ZNF385D: variants seen among roughly 807,000 people sequenced by gnomAD.
The protein encoded by ZNF385D is zinc finger protein 659.
ZNF385D carries 15 observed loss-of-function variants against 35.8 expected under a neutral mutation model. That is an observed-to-expected ratio of 0.42 (90% confidence interval 0.28 to 0.64). The LOEUF is 0.64. Ranked by LOEUF, ZNF385D falls within the 30% of genes least tolerant of loss-of-function variation. ZNF385D has a pLI of 0.23. For synonymous variants in ZNF385D, 212 were observed against 186.8 expected (o/e 1.13, Z -1.10); for missense variants, 474 against 494.6 (o/e 0.96, Z 0.39).
chr3:21,711,515 A>G (rs1032421887), intron 1 of ZNF385D, among the ~76,000 whole-genome samples: 5 of 152,164 alleles, frequency 3.3e-5, no homozygotes, highest in African/African-American at 1.2e-4. Flanking sequence ...TTAAACGACA[A>G]TTCTGTTAAA....
At chr3:21,938,384 G>C (rs1328717713) in intron 3 of ZNF385D, among the ~76,000 whole-genome samples, 1 of 152,108 alleles carries the variant, frequency 6.6e-6, no homozygotes, top group Non-Finnish European at 1.5e-5. Context: ...TAACTTAATT[G>C]GGCTGCAAGT....
At position 21,940,268 on chromosome 3, in the gene ZNF385D, T is replaced by G. The variant is rs115398591; in HGVS notation, c.325+228549A>C. ...TGTGATGTAGCAAAAAAAGTGTTTA[T>G]GGATTTTAAGGGCAAGCAGAGGTGG... On this transcript the variant is annotated intron_variant, in intron 3 of 5. Coordinates refer to the ZNF385D transcript ENST00000494108. 1.1e-3 allele frequency among the ~76,000 whole-genome samples: 167 copies of G among 152,264 alleles called. 1 individual carries two copies. The highest frequency in any genetic ancestry group is 3.8e-3 in the African/African-American group (158 of 41,556).
intron 4 of ZNF385D, among the ~76,000 whole-genome samples, chr3:21,497,434 T>C (rs754769748): frequency 6.6e-6 from 1 of 152,170 alleles, no homozygotes; most frequent in Non-Finnish European, 1.5e-5. Context: ...TGCTCATGGA[T>C]AGAAAGAATT....
At chr3:21,535,884 G>A (rs1461654610) in intron 3 of ZNF385D, among the ~76,000 whole-genome samples, 1 of 151,964 alleles carries the variant, frequency 6.6e-6, no homozygotes, top group African/African-American at 2.4e-5. Context: ...TAGTCACCCT[G>A]AGTTTTCTTA....
At chr3:22,110,643 TG>T (rs1576337848) in intron 3 of ZNF385D, among the ~76,000 whole-genome samples, 1 of 142,000 alleles carries the variant, frequency 7.0e-6, no homozygotes, top group East Asian at 2.1e-4. Context: ...TGTTGTGGGG[TG>T]GGGGGAGTGG....
At chr3:22,115,680 G>T (rs538730167) in intron 3 of ZNF385D, among the ~76,000 whole-genome samples, 4 of 152,150 alleles carry the variant, frequency 2.6e-5, no homozygotes, top group African/African-American at 7.2e-5. Flanking sequence ...AAGTTTAGTA[G>T]CTTGGTTAGC....
intron 2 of ZNF385D, among the ~76,000 whole-genome samples, chr3:22,334,840 A>G (rs957213624): frequency 4.6e-5 from 7 of 151,676 alleles, no homozygotes; most frequent in East Asian, 3.9e-4. Context: ...CTGTAGATCA[A>G]TGTATCAGAA....
chr3:22,217,684 T>C lies in ZNF385D; in HGVS notation c.107-48649A>G, dbSNP rs146486755. ...ACATTCTAAGGTACATTACATGTTA[T>C]GGCAAATATAGAGAGCATATTTTGG... On this transcript the variant is annotated intron_variant, in intron 2 of 5. Transcript: ENST00000494108. Among the ~76,000 whole-genome samples, 240 of 152,280 alleles carry C rather than the reference T, an allele frequency of 1.6e-3. 3 individuals are homozygous for C. Among genetic ancestry groups the C allele is most frequent in the East Asian group, 7.0e-3 (36 of 5,174 alleles).
At chr3:21,492,632 A>G (rs1174093120) in intron 4 of ZNF385D, among the ~76,000 whole-genome samples, 1 of 151,776 alleles carries the variant, frequency 6.6e-6, no homozygotes, top group Non-Finnish European at 1.5e-5. Flanking sequence ...AAAACTACAA[A>G]AATTCGCCAG....
intron 2 of ZNF385D, among the ~76,000 whole-genome samples, chr3:22,217,189 T>A (rs573185887): frequency 3.3e-5 from 5 of 152,106 alleles, no homozygotes; most frequent in African/African-American, 1.2e-4. Context: ...TTCCCACAAA[T>A]TGGAATACAA....
chr3:21,871,139 A>G lies in ZNF385D; in HGVS notation c.326-206111T>C, dbSNP rs77947287. Among the ~76,000 whole-genome samples, 207 of 152,256 alleles carry G rather than the reference A, an allele frequency of 1.4e-3. 5 individuals are homozygous for G. The East Asian group carries it at 0.037, about 28-fold the overall frequency. On this transcript the variant is annotated intron_variant, in intron 3 of 5. Coordinates refer to the ZNF385D transcript ENST00000494108. Reference sequence around the variant, plus strand: ...CTCTTGCTTGCTTTATTCTGGCAGTATCGGGTCATCTCTAGTCTTTGAGTC... The same window carrying G: ...CTCTTGCTTGCTTTATTCTGGCAGTGTCGGGTCATCTCTAGTCTTTGAGTC...
chr3:21,641,632 C>CTTT (rs144071100), intron 2 of ZNF385D, among the ~76,000 whole-genome samples: 12 of 104,724 alleles, frequency 1.1e-4, no homozygotes, highest in Non-Finnish European at 1.3e-4. Flanking sequence ...AACAAGTCAG[C>CTTT]TTTTTTTTTT....
intron 4 of ZNF385D, among the ~76,000 whole-genome samples, chr3:21,462,913 CAG>C (rs1437419090): frequency 1.3e-5 from 2 of 152,156 alleles, no homozygotes; most frequent in Non-Finnish European, 2.9e-5. Context: ...ACCAGGGAGA[CAG>C]AGGTTGTGGT....
chr3:21,844,745 G>C (rs919170135), intron 3 of ZNF385D, among the ~76,000 whole-genome samples: 1 of 151,910 alleles, frequency 6.6e-6, no homozygotes, highest in African/African-American at 2.4e-5. Context: ...TCACTAAATT[G>C]TTCACATTCT....
chr3:21,786,743 G>A (rs1480156422), intron 3 of ZNF385D, among the ~76,000 whole-genome samples: 4 of 152,104 alleles, frequency 2.6e-5, no homozygotes, highest in African/African-American at 7.2e-5. Context: ...TTAGCATTAT[G>A]CTTTTGCCAT....
chr3:21,782,092 C>CCTCT (rs1330678397), intron 3 of ZNF385D, among the ~76,000 whole-genome samples: 2 of 152,036 alleles, frequency 1.3e-5, no homozygotes, highest in Non-Finnish European at 2.9e-5. Flanking sequence ...ACTTGGAAGC[C>CCTCT]CTCTCATCAT....
chr3:21,986,774 A>T (rs1219788946), intron 3 of ZNF385D, among the ~76,000 whole-genome samples: 2 of 111,150 alleles, frequency 1.8e-5, no homozygotes, highest in Non-Finnish European at 3.4e-5. Flanking sequence ...GGGGTGTTAA[A>T]GTCTCCCATT....
At chr3:21,995,325 A>G (rs1695394989) in intron 3 of ZNF385D, among the ~76,000 whole-genome samples, 1 of 152,186 alleles carries the variant, frequency 6.6e-6, no homozygotes, top group African/African-American at 2.4e-5. Context: ...TCAGTGCACA[A>G]AGGCACTGGT....
intron 3 of ZNF385D, among the ~76,000 whole-genome samples, chr3:21,824,296 G>A (rs1189021194): frequency 6.6e-6 from 1 of 151,982 alleles, no homozygotes; most frequent in East Asian, 1.9e-4. Context: ...TTTTTAAAAG[G>A]CTATGTAGTA....
Sources: allele counts gnomAD v4.1 joint callset (sites outside exome capture counted in the v4.1 genomes callset), GRCh38; gene constraint gnomAD v4.1.1; transcripts MANE v1.5; gene names NCBI Gene and HGNC (gene_info 2026-07-23, HGNC 2026-07-21).